Variants in PRKAB1 observed in about 807,000 individuals in gnomAD.
PRKAB1 encodes protein kinase AMP-activated non-catalytic subunit beta 1.
A neutral mutation model predicts 32.0 loss-of-function variants in PRKAB1; 18 were observed. That is an observed-to-expected ratio of 0.56 (90% CI 0.39 to 0.83). The LOEUF (loss-of-function observed/expected upper bound fraction) is 0.83, where lower values mean the gene tolerates loss of function less well. Among genes scored for constraint, PRKAB1 ranks in the 40% least tolerant of loss-of-function variants. The pLI is 0.00. For synonymous variants in PRKAB1, 141 were observed against 141.4 expected, an observed-to-expected ratio of 1.00 and a Z score of 0.02; for missense variants, 263 against 352.6, an observed-to-expected ratio of 0.75 and a Z score of 2.03.
Position 119,680,556 on chromosome 12 carries a change from A to G in PRKAB1, c.*231A>G. 1 of 542,980 alleles carries G rather than the reference A, an allele frequency of 1.8e-6. No homozygotes were observed. Among genetic ancestry groups the G allele is most frequent in the Non-Finnish European group, 3.3e-6 (1 of 305,236 alleles). The allele number at this position is 542,980 out of a possible 1,614,324, so 33.6% of individuals were successfully genotyped here. ...CCATGGCTTTGAGCCTCGGGGACTC[A>G]TCAAGTCCAAGAAAAGAGGGAGGGG... On this transcript the variant is annotated 3_prime_UTR_variant, in exon 7 of 7. Transcript: ENST00000229328.
chr12:119,681,610 G>A lies in PRKAB1; in HGVS notation c.*1285G>A, dbSNP rs984782827. ...GATGGACAAGTTTCAATAAAACTTT[G>A]TAAAAATAATTGGACATGTGCCTGG... On this transcript the variant is annotated 3_prime_UTR_variant, in exon 7 of 7. Transcript: ENST00000229328. 9.2e-5 allele frequency: 14 copies of A among 152,194 alleles called. No homozygotes were observed. Among genetic ancestry groups the A allele is most frequent in the African/African-American group, 3.4e-4 (14 of 41,450 alleles). 9.4% of individuals were successfully genotyped at this position (152,194 alleles called of 1,614,324 possible). A position where few individuals can be genotyped will look rare whatever the true frequency, so the allele number is the denominator to read the frequency against.
At chr12:119,676,268 T>C (rs914584587) in intron 4 of PRKAB1, among the ~76,000 whole-genome samples, 2 of 152,170 alleles carry the variant, frequency 1.3e-5, no homozygotes, top group Non-Finnish European at 2.9e-5. Flanking sequence ...ATAGCCTCCT[T>C]GTGATCTGAC....
chr12:119,670,628 C>G (rs771611048), intron 1 of PRKAB1, among the ~76,000 whole-genome samples: 2 of 152,172 alleles, frequency 1.3e-5, no homozygotes, highest in Non-Finnish European at 2.9e-5. Context: ...AGTATTTGTT[C>G]TGTTACTATT....
chr12:119,674,307 C>G lies in PRKAB1; in HGVS notation c.418-33C>G. 1 of 1,512,508 alleles carries G rather than the reference C, an allele frequency of 6.6e-7. No individual in the cohort carries two copies. The highest frequency in any genetic ancestry group is 1.1e-5 in the South Asian group (1 of 88,268). The allele number at this position is 1,512,508 out of a possible 1,614,324, so 93.7% of individuals were successfully genotyped here. ...GAAGAATAACTCCGCAGACCTTCCACGTTATGATTTCTGCCTATCTGTCTC... is the reference window on the plus strand; with the variant it reads ...GAAGAATAACTCCGCAGACCTTCCAGGTTATGATTTCTGCCTATCTGTCTC... On this transcript the variant is annotated intron_variant, in intron 3 of 6. Transcript: ENST00000229328. The surrounding 1 kb of genome is among the most constrained non-coding windows in gnomAD (Gnocchi z 4.3).
rs1255812908 is a variant in PRKAB1 at position 119,680,367 on chromosome 12, C to A, written c.*42C>A. 1.5e-5 allele frequency: 23 copies of A among 1,545,818 alleles called. No homozygotes were observed. Among genetic ancestry groups the A allele is most frequent in the Admixed American group, 3.4e-5 (2 of 59,458 alleles). Reference sequence around the variant, plus strand: ...GGTGGCCCAGGAGACAGCACACCACCAGGCTCCACACGTGCATGCTTTCCC... The same window carrying A: ...GGTGGCCCAGGAGACAGCACACCACAAGGCTCCACACGTGCATGCTTTCCC... On this transcript the variant is annotated 3_prime_UTR_variant, in exon 7 of 7. Transcript: ENST00000229328.
Sources: gnomAD v4.1 joint callset for allele counts (sites outside exome capture counted in the v4.1 genomes callset) on GRCh38, gnomAD v4.1.1 for gene constraint, Gnocchi (gnomAD v3.1) non-coding constraint, MANE v1.5 for transcripts, NCBI Gene and HGNC (gene_info 2026-07-23, HGNC 2026-07-21) for gene names.